Variants in TMEM178B observed in about 807,000 individuals in gnomAD.
TMEM178B encodes transmembrane protein 178B.
In TMEM178B, 5 loss-of-function variants were observed where a neutral mutation model predicts 31.0. The ratio of observed to expected loss-of-function variants is 0.16; its 90% confidence interval spans 0.08 to 0.34. The LOEUF (loss-of-function observed/expected upper bound fraction) is 0.34, where lower values mean the gene tolerates loss of function less well. TMEM178B is among the 10% of genes least tolerant of loss of function. TMEM178B has a pLI of 1.00. For missense variants in TMEM178B, 275 were observed against 400.3 expected, an observed-to-expected ratio of 0.69 and a Z score of 2.67; for synonymous variants, 164 against 164.0, an observed-to-expected ratio of 1.00 and a Z score of 0.00.
chr7:141,393,721 G>T (rs1193091102), intron 2 of TMEM178B, among the ~76,000 whole-genome samples: 1 of 152,172 alleles, frequency 6.6e-6, no homozygotes, highest in Non-Finnish European at 1.5e-5. Context: ...ATTCCTCCTG[G>T]TTGTTTATGC....
chr7:141,349,447 G>C (rs1799674361), intron 2 of TMEM178B, among the ~76,000 whole-genome samples: 1 of 152,104 alleles, frequency 6.6e-6, no homozygotes, highest in African/African-American at 2.4e-5. Flanking sequence ...ACCCTGAGAT[G>C]GATGGGTTCA....
chr7:141,136,525 T>C (rs1272307919), intron 1 of TMEM178B, among the ~76,000 whole-genome samples: 3 of 152,142 alleles, frequency 2.0e-5, no homozygotes, highest in African/African-American at 7.2e-5. Context: ...AACAGACTGA[T>C]AGAACTATAT....
intron 1 of TMEM178B, among the ~76,000 whole-genome samples, chr7:141,103,382 A>G (rs1374164748): frequency 6.6e-6 from 1 of 152,170 alleles, no homozygotes; most frequent in Non-Finnish European, 1.5e-5. Flanking sequence ...GGAAGTTGAA[A>G]TTCGAGTGCC....
intron 2 of TMEM178B, among the ~76,000 whole-genome samples, chr7:141,311,766 T>C (rs1798914467): frequency 6.6e-6 from 1 of 152,188 alleles, no homozygotes; most frequent in Non-Finnish European, 1.5e-5. Flanking sequence ...TTAGGAAAGA[T>C]TTTAAGGGAG....
intron 2 of TMEM178B, among the ~76,000 whole-genome samples, chr7:141,417,977 G>A (rs1045905061): frequency 2.6e-5 from 4 of 152,176 alleles, no homozygotes; most frequent in African/African-American, 7.2e-5. Context: ...GTCCTTTACC[G>A]CTGAACTCTG....
Position 141,437,714 on chromosome 7 carries a change from G to C in TMEM178B, c.603G>C (p.Gln201His), listed in dbSNP as rs764326493. ...GCTGCTGGGACCGAGGCCTTATGCA[G>C]TACGTGGCAGGGCTGCTCTTCCTCA... is the stretch of plus-strand genomic sequence containing the variant. The part of the protein sequence containing the change: ...LGCCWDRGLM[Q>H]YVAGLLFLMG... The change falls in exon 3 of 4, where the codon CAG becomes CAC. Residue 201 changes from glutamine to histidine, a missense_variant. Gln to His is a conservative substitution (Grantham distance 24). Transcript: ENST00000565468. 4.6e-6 allele frequency: 7 copies of C among 1,536,192 alleles called. No homozygotes were observed. In the South Asian group the frequency reaches 8.3e-5, roughly 18 times the overall value.
chr7:141,371,727 A>G (rs1234855334), intron 2 of TMEM178B, among the ~76,000 whole-genome samples: 1 of 152,176 alleles, frequency 6.6e-6, no homozygotes, highest in Non-Finnish European at 1.5e-5. Flanking sequence ...CATTAGAGGT[A>G]GACTTACCAC....
intron 1 of TMEM178B, among the ~76,000 whole-genome samples, chr7:141,113,656 G>C (rs1488036151): frequency 6.6e-6 from 1 of 152,136 alleles, no homozygotes; most frequent in Non-Finnish European, 1.5e-5. Flanking sequence ...TTCTCTGGGG[G>C]TTCCTCTTGA....
intron 1 of TMEM178B, among the ~76,000 whole-genome samples, chr7:141,187,675 C>T (rs1237982504): frequency 2.0e-5 from 3 of 152,210 alleles, no homozygotes; most frequent in Non-Finnish European, 4.4e-5. Flanking sequence ...TTTTGATTTG[C>T]ATTTCTCTGA....
At chr7:141,164,905 C>G (rs2129182095) in intron 1 of TMEM178B, among the ~76,000 whole-genome samples, 1 of 152,154 alleles carries the variant, frequency 6.6e-6, no homozygotes, top group Non-Finnish European at 1.5e-5. Context: ...TGCTGGGGTT[C>G]CAGCATCACC....
intron 2 of TMEM178B, among the ~76,000 whole-genome samples, chr7:141,217,677 T>C (rs1454944888): frequency 6.6e-6 from 1 of 152,126 alleles, no homozygotes; most frequent in Non-Finnish European, 1.5e-5. Context: ...GTGGGTCTTC[T>C]TTGCCCCTTG....
intron 2 of TMEM178B, among the ~76,000 whole-genome samples, chr7:141,278,250 G>A (rs1321306187): frequency 1.3e-5 from 2 of 152,214 alleles, no homozygotes; most frequent in Non-Finnish European, 2.9e-5. Flanking sequence ...GCATAGCTAA[G>A]CCCCTCTGGT....
intron 1 of TMEM178B, among the ~76,000 whole-genome samples, chr7:141,121,722 G>T (rs945405340): frequency 6.6e-6 from 1 of 152,164 alleles, no homozygotes; most frequent in African/African-American, 2.4e-5. Flanking sequence ...AATGAGAGAT[G>T]CGATGACTCT....
At chr7:141,275,760 G>T (rs1333612815) in intron 2 of TMEM178B, among the ~76,000 whole-genome samples, 1 of 152,152 alleles carries the variant, frequency 6.6e-6, no homozygotes, top group Non-Finnish European at 1.5e-5. Flanking sequence ...TCCAAGGAAA[G>T]CACTTCTATA....
intron 2 of TMEM178B, among the ~76,000 whole-genome samples, chr7:141,269,193 C>A (rs915275252): frequency 2.0e-5 from 3 of 151,314 alleles, no homozygotes; most frequent in African/African-American, 7.3e-5. Context: ...CGGGTTCAAG[C>A]AATTCTCATG....
chr7:141,383,415 G>A (rs1800365767), intron 2 of TMEM178B, among the ~76,000 whole-genome samples: 2 of 140,320 alleles, frequency 1.4e-5, no homozygotes, highest in African/African-American at 2.7e-5. Context: ...TCCCCTTCCT[G>A]TGTCCAAGTG....
chr7:141,112,153 G>C (rs941351271), intron 1 of TMEM178B, among the ~76,000 whole-genome samples: 10 of 151,966 alleles, frequency 6.6e-5, no homozygotes, highest in African/African-American at 9.7e-5. Flanking sequence ...ATGCTTTTTG[G>C]GCTAATTTTA....
At chr7:141,292,462 T>A (rs1455675519) in intron 2 of TMEM178B, among the ~76,000 whole-genome samples, 13 of 152,138 alleles carry the variant, frequency 8.5e-5, no homozygotes. Flanking sequence ...GAGCTTGCCC[T>A]TGCAAGCTCA....
intron 2 of TMEM178B, among the ~76,000 whole-genome samples, chr7:141,366,571 C>T (rs1168176836): frequency 2.0e-5 from 3 of 152,142 alleles, no homozygotes; most frequent in African/African-American, 4.8e-5. Flanking sequence ...CTTGGCATTT[C>T]GACCTCTTTG....
Sources: allele counts gnomAD v4.1 joint callset (sites outside exome capture counted in the v4.1 genomes callset), GRCh38; gene constraint gnomAD v4.1.1; transcripts MANE v1.5; gene names NCBI Gene and HGNC (gene_info 2026-07-23, HGNC 2026-07-21).